TMX2: variants seen among roughly 807,000 people sequenced by gnomAD.
The protein encoded by TMX2 is thioredoxin related transmembrane protein 2, also known as thioredoxin-related transmembrane protein 2.
In TMX2, 20 loss-of-function variants were observed where a neutral mutation model predicts 33.4. The observed-to-expected ratio is 0.60, with a 90% CI of 0.42 to 0.87. The LOEUF is 0.87. TMX2 is among the 40% of genes least tolerant of loss of function. The pLI is 0.00. For synonymous variants in TMX2, 166 were observed against 140.7 expected, an observed-to-expected ratio of 1.18 and a Z score of -1.27; for missense variants, 340 against 370.7, an observed-to-expected ratio of 0.92 and a Z score of 0.68.
chr11:57,716,436 G>C (rs1167214109), intron 1 of TMX2, among the ~76,000 whole-genome samples: 1 of 131,158 alleles, frequency 7.6e-6, no homozygotes, highest in Non-Finnish European at 1.7e-5. Context: ...CTGGCCGGGC[G>C]GGGGGCTGAC....
chr11:57,713,728 C>A (rs550011118), intron 1 of TMX2, among the ~76,000 whole-genome samples: 1 of 152,068 alleles, frequency 6.6e-6, no homozygotes, highest in Non-Finnish European at 1.5e-5. Flanking sequence ...GCTTATATAC[C>A]CTCTTTCATA....
chr11:57,735,506 C>T lies in TMX2; in HGVS notation c.190-2102C>T, dbSNP rs183600416. 2.1e-4 allele frequency among the ~76,000 whole-genome samples: 32 copies of T among 152,248 alleles called. No homozygotes were observed. The East Asian group carries it at 2.7e-3, about 13-fold the overall frequency. On this transcript the variant is annotated intron_variant, in intron 1 of 7. Transcript: ENST00000278422. ...GATTACAGGCTTGAGCCACAGCACC[C>T]GGCCAGGAGAGCTTTATTTCTCATA... is the stretch of plus-strand genomic sequence containing the variant.
intron 1 of TMX2, among the ~76,000 whole-genome samples, chr11:57,716,678 T>A (rs1947096956): frequency 8.1e-6 from 1 of 124,192 alleles, no homozygotes; most frequent in Admixed American, 7.9e-5. Context: ...CCCCCCCACC[T>A]CCCTCCCGGA....
chr11:57,732,895 G>C lies in TMX2; in HGVS notation c.190-4713G>C, dbSNP rs558903206. Among the ~76,000 whole-genome samples, 13 of 152,252 alleles carry C rather than the reference G, an allele frequency of 8.5e-5. No individual in the cohort carries two copies. The South Asian group carries it at 2.1e-3, about 24-fold the overall frequency. ...GGTGTCCTTAGGCCATATGGTCCTTGTGGGAGCATCATAGAGTGTACTTAC... is the reference window on the plus strand; with the variant it reads ...GGTGTCCTTAGGCCATATGGTCCTTCTGGGAGCATCATAGAGTGTACTTAC... On this transcript the variant is annotated intron_variant, in intron 1 of 7. Coordinates refer to ENST00000278422, the MANE Select transcript of TMX2 (RefSeq NM_015959.4).
chr11:57,715,617 G>C (rs1461327970), intron 1 of TMX2, among the ~76,000 whole-genome samples: 9 of 117,252 alleles, frequency 7.7e-5, no homozygotes, highest in Non-Finnish European at 1.3e-4. Context: ...TCATTCTTGG[G>C]TGTTTCTCGC....
intron 1 of TMX2, among the ~76,000 whole-genome samples, chr11:57,731,900 A>G (rs191679758): frequency 4.4e-4 from 67 of 152,272 alleles, no homozygotes; most frequent in Middle Eastern, 3.4e-3. Flanking sequence ...ACTTTATGGT[A>G]CCCTACTCTA....
chr11:57,734,108 G>A (rs1948582644), intron 1 of TMX2, among the ~76,000 whole-genome samples: 1 of 139,134 alleles, frequency 7.2e-6, no homozygotes, highest in Non-Finnish European at 1.5e-5. Flanking sequence ...GGAGGCGGAG[G>A]AGACCGCGCC....
intron 1 of TMX2, among the ~76,000 whole-genome samples, chr11:57,731,309 T>C (rs1287802939): frequency 6.6e-6 from 1 of 151,740 alleles, no homozygotes; most frequent in African/African-American, 2.4e-5. Flanking sequence ...AATTTTTGTA[T>C]TTTTAGTAGA....
intron 1 of TMX2, among the ~76,000 whole-genome samples, chr11:57,726,625 A>G (rs1400113562): frequency 6.6e-6 from 1 of 152,206 alleles, no homozygotes; most frequent in Non-Finnish European, 1.5e-5. Flanking sequence ...ACACTGTAGA[A>G]TTATATGACT....
chr11:57,733,065 GA>G (rs1408289875), intron 1 of TMX2, among the ~76,000 whole-genome samples: 1 of 152,062 alleles, frequency 6.6e-6, no homozygotes, highest in East Asian at 1.9e-4. Context: ...TCTAAACACA[GA>G]AAAGGTACAA....
intron 2 of TMX2, 33 bp downstream of exon 2, chr11:57,737,701 A>C (rs753175176): frequency 2.6e-5 from 42 of 1,601,776 alleles, no homozygotes; most frequent in Non-Finnish European, 3.3e-5. Flanking sequence ...ACTCAAGGTT[A>C]GATCTAATGC....
chr11:57,731,041 A>G (rs1363618475), intron 1 of TMX2, among the ~76,000 whole-genome samples: 1 of 151,410 alleles, frequency 6.6e-6, no homozygotes, highest in African/African-American at 2.4e-5. Context: ...AATTCAATAA[A>G]TTTTTAAATT....
intron 1 of TMX2, among the ~76,000 whole-genome samples, chr11:57,717,064 G>A (rs1294266250): frequency 2.7e-5 from 4 of 149,212 alleles, no homozygotes; most frequent in African/African-American, 7.7e-5. Flanking sequence ...CATCCCGGAC[G>A]GGGCGGCGGG....
chr11:57,726,354 A>G (rs528327084), intron 1 of TMX2, among the ~76,000 whole-genome samples: 79 of 152,166 alleles, frequency 5.2e-4, no homozygotes, highest in African/African-American at 1.9e-3. Context: ...CGGAGGTTGC[A>G]GTGAGCCGAG....
intron 1 of TMX2, among the ~76,000 whole-genome samples, chr11:57,725,827 C>T (rs1785497): frequency 1.3e-5 from 2 of 151,988 alleles, no homozygotes; most frequent in Non-Finnish European, 2.9e-5. Context: ...AAATTGGTTG[C>T]CTTCTAAACT....
chr11:57,713,676 G>A (rs1029452531), intron 1 of TMX2, among the ~76,000 whole-genome samples: 4 of 152,198 alleles, frequency 2.6e-5, no homozygotes, highest in African/African-American at 9.6e-5. Context: ...AACGTGCATA[G>A]CATGAGGGAA....
At chr11:57,728,731 T>C (rs910599007) in intron 1 of TMX2, among the ~76,000 whole-genome samples, 6 of 152,130 alleles carry the variant, frequency 3.9e-5, no homozygotes, top group Non-Finnish European at 8.8e-5. Context: ...AACTGTTGCT[T>C]TCATAGAGAC....
chr11:57,739,164 A>C lies in TMX2; in HGVS notation c.648A>C (p.Gln216His), dbSNP rs780487378. Residue 216 changes from glutamine (Q) to histidine (H), a missense_variant, in exon 7 of 8, where the codon CAA becomes CAC. Gln to His is a conservative substitution (Grantham distance 24). Transcript: ENST00000278422. ...YKVSTSPLTK[Q>H]LPTLILFQGG... is the part of the protein sequence containing the mutation. ...TGAGCACATCACCCCTCACCAAGCAACTCCCTACCCTGATCCTGTTCCAAG... is the reference window on the plus strand; with the variant it reads ...TGAGCACATCACCCCTCACCAAGCACCTCCCTACCCTGATCCTGTTCCAAG... 5 of 1,613,808 alleles carry C rather than the reference A, an allele frequency of 3.1e-6. No individual in the cohort carries two copies. The highest frequency in any genetic ancestry group is 4.2e-6 in the Non-Finnish European group (5 of 1,179,962).
Position 57,737,899 on chromosome 11 carries a change from T to G in TMX2, c.251-14T>G, listed in dbSNP as rs1948850249. Reference sequence around the variant, plus strand: ...GCACAGCCCAGCCTGACCTGTGACATCTCTGTGTTTCAGTCACTGTGGAGC... The same window carrying G: ...GCACAGCCCAGCCTGACCTGTGACAGCTCTGTGTTTCAGTCACTGTGGAGC... On this transcript the variant is annotated splice_polypyrimidine_tract_variant and intron_variant, in intron 2 of 7. Transcript: ENST00000278422. The G allele has an allele frequency of 6.2e-7, 1 of 1,614,126 alleles. No homozygotes were observed. Among genetic ancestry groups the G allele is most frequent in the African/African-American group, 1.3e-5 (1 of 74,934 alleles).
Sources: gnomAD v4.1 joint callset for allele counts (sites outside exome capture counted in the v4.1 genomes callset) on GRCh38, gnomAD v4.1.1 for gene constraint, MANE v1.5 for transcripts, NCBI Gene and HGNC (gene_info 2026-07-23, HGNC 2026-07-21) for gene names.